GATA4: variants seen among roughly 807,000 people sequenced by gnomAD.
GATA4 encodes transcription factor GATA-4.
In GATA4, 7 loss-of-function variants were observed where a neutral mutation model predicts 37.9. The observed-to-expected ratio is 0.18, with a 90% CI of 0.11 to 0.35. The LOEUF (loss-of-function observed/expected upper bound fraction) is 0.35, where lower values mean the gene tolerates loss of function less well. GATA4 is among the 10% of genes least tolerant of loss of function. The probability of loss-of-function intolerance (pLI) is 1.00; values close to 1 mark genes in which losing one functional copy is unlikely to be tolerated. For synonymous variants in GATA4, 372 were observed against 292.6 expected, an observed-to-expected ratio of 1.27 and a Z score of -2.77; for missense variants, 647 against 653.0, an observed-to-expected ratio of 0.99 and a Z score of 0.10.
chr8:11,739,169 A>G (rs757927030), intron 2 of GATA4, among the ~76,000 whole-genome samples: 5 of 152,234 alleles, frequency 3.3e-5, no homozygotes, highest in African/African-American at 4.8e-5. Flanking sequence ...CTAGGCAGAG[A>G]TGCTTGCTTA....
chr8:11,701,901 C>G (rs1012669442), upstream of GATA4, among the ~76,000 whole-genome samples: 10 of 152,072 alleles, frequency 6.6e-5, no homozygotes, highest in Admixed American at 2.6e-4. Flanking sequence ...TGGCAGAAAG[C>G]GGCGGCTCAG....
At chr8:11,690,174 C>A (rs1436430808), upstream of GATA4, among the ~76,000 whole-genome samples, 1 of 152,210 alleles carries the variant, frequency 6.6e-6, no homozygotes, top group African/African-American at 2.4e-5. Context: ...TGAAGAGGTG[C>A]CACGTGGCAT....
chr8:11,708,610 AC>A lies in GATA4; in HGVS notation c.302del (p.Pro101ArgfsTer106). ...SQAGADGAAY[T>X]PPPVSPRFSF... ...GGCGGGAGCCGACGGAGCCGCTTAC[AC>A]CCCGCCGCCGGTGTCGCCGCGCTTC... On this transcript the variant is annotated frameshift_variant, in exon 2 of 7. Transcript: ENST00000532059. LOFTEE classifies it high-confidence loss of function. The surrounding 1 kb of genome is among the most constrained non-coding windows in gnomAD (Gnocchi z 6.7). 1 of 1,340,736 alleles carries A rather than the reference AC, an allele frequency of 7.5e-7. No individual in the cohort carries two copies. Among genetic ancestry groups the A allele is most frequent in the South Asian group, 2.0e-5 (1 of 49,760 alleles). The allele number at this position is 1,340,736 out of a possible 1,614,324, so 83.1% of individuals were successfully genotyped here. A position where few individuals can be genotyped will look rare whatever the true frequency, so the allele number is the denominator to read the frequency against.
chr8:11,708,496 G>C lies in GATA4; in HGVS notation c.184G>C (p.Ala62Pro), dbSNP rs1372390204. 1 of 1,482,536 alleles carries C rather than the reference G, an allele frequency of 6.7e-7. No individual in the cohort carries two copies. The highest frequency in any genetic ancestry group is 2.8e-5 in the East Asian group (1 of 35,536). 91.8% of individuals were successfully genotyped at this position (1,482,536 alleles called of 1,614,324 possible). A position where few individuals can be genotyped will look rare whatever the true frequency, so the allele number is the denominator to read the frequency against. ...SYLQGGGAGSASGGASGGSSG... is the reference protein window; with the variant it reads ...SYLQGGGAGSPSGGASGGSSG... ...CCTCCAGGGCGGAGGCGCGGGCTCT[G>C]CGTCCGGAGGCGCCTCGGGCGGCAG... Residue 62 changes from alanine (A) to proline (P), a missense_variant, in exon 2 of 7, where the codon GCG (alanine) becomes CCG (proline). By Grantham distance (27) the Ala-to-Pro change is conservative. Coordinates refer to ENST00000532059, the MANE Select transcript of GATA4 (RefSeq NM_001308093.3). This position sits in a 1 kb window ranked among gnomAD's most constrained non-coding sequence, Gnocchi z 6.7.
intron 1 of GATA4, among the ~76,000 whole-genome samples, chr8:11,698,626 C>G (rs1563193167): frequency 6.6e-6 from 1 of 152,170 alleles, no homozygotes; most frequent in Non-Finnish European, 1.5e-5. Flanking sequence ...ATGGGTTGGG[C>G]TCCCTATGCC....
At chr8:11,693,562 C>CACACACAGAGAGAGAGAG (rs1405047773) in intron 1 of GATA4, among the ~76,000 whole-genome samples, 2 of 72,228 alleles carry the variant, frequency 2.8e-5, no homozygotes, top group East Asian at 5.7e-4. Context: ...CACACACACA[C>CACACACAGAGAGAGAGAG]AGAGAGAGAG....
chr8:11,705,141 G>C (rs1222962720), intron 1 of GATA4, among the ~76,000 whole-genome samples: 1 of 152,212 alleles, frequency 6.6e-6, no homozygotes, highest in Non-Finnish European at 1.5e-5. Context: ...GAGCGTGGTG[G>C]GGGACCCGCG....
intron 2 of GATA4, among the ~76,000 whole-genome samples, chr8:11,714,680 C>G (rs2130110828): frequency 6.6e-6 from 1 of 152,290 alleles, no homozygotes; most frequent in South Asian, 2.1e-4. Flanking sequence ...TGTGTCCCAT[C>G]AAAAGGTCAG....
At chr8:11,731,969 A>T (rs1468099292) in intron 2 of GATA4, among the ~76,000 whole-genome samples, 1 of 152,182 alleles carries the variant, frequency 6.6e-6, no homozygotes, top group Non-Finnish European at 1.5e-5. Context: ...CCTCAGTGTT[A>T]TCCTGCTATC....
upstream of GATA4, among the ~76,000 whole-genome samples, chr8:11,703,169 C>T (rs1374615256): frequency 6.6e-6 from 1 of 151,222 alleles, no homozygotes; most frequent in African/African-American, 2.4e-5. Flanking sequence ...GAGAGAAAAA[C>T]GCGGCCTTAA....
At chr8:11,702,041 A>C (rs1221219908), upstream of GATA4, among the ~76,000 whole-genome samples, 2 of 152,160 alleles carry the variant, frequency 1.3e-5, no homozygotes, top group Non-Finnish European at 2.9e-5. The surrounding 1 kb of genome is among the most constrained non-coding windows in gnomAD (Gnocchi z 4.4). Flanking sequence ...TTATAGCCCC[A>C]CCAGTGTACA....
chr8:11,739,503 A>G (rs188941684), intron 2 of GATA4, among the ~76,000 whole-genome samples: 34 of 147,652 alleles, frequency 2.3e-4, no homozygotes, highest in Admixed American at 4.7e-4. Flanking sequence ...ATGATTTTAT[A>G]TACACACATG....
chr8:11,703,259 G>A (rs1799746994), upstream of GATA4, among the ~76,000 whole-genome samples: 2 of 152,286 alleles, frequency 1.3e-5, no homozygotes, highest in East Asian at 3.9e-4. Context: ...GTAATCGATG[G>A]GTTATTTTTA....
intron 2 of GATA4, among the ~76,000 whole-genome samples, chr8:11,732,646 G>C (rs143586983): frequency 2.9e-4 from 44 of 152,310 alleles, no homozygotes; most frequent in African/African-American, 1.1e-3. Context: ...CTGGAGGCTA[G>C]AGGAAGAGGA....
At chr8:11,684,738 C>G (rs1799085468) in intron 1 of GATA4, among the ~76,000 whole-genome samples, 1 of 152,208 alleles carries the variant, frequency 6.6e-6, no homozygotes. Context: ...CAGCTGGATG[C>G]TAATGTTCTC....
Position 11,756,909 on chromosome 8 carries a change from G to A in GATA4, c.1001-26G>A, listed in dbSNP as rs1554498708. 6.2e-7 allele frequency: 1 copy of A among 1,614,174 alleles called. No homozygotes were observed. ...TTCGTTTGTCCCTGCCGCTGATTTG[G>A]GTGTGCTGACTCTGCTTCATTCCAG... On this transcript the variant is annotated intron_variant, in intron 5 of 6. Transcript: ENST00000532059.
intron 2 of GATA4, among the ~76,000 whole-genome samples, chr8:11,742,402 C>T (rs78077854): frequency 0.013 from 896 of 66,448 alleles, 17 homozygotes; most frequent in Non-Finnish European, 0.031. Flanking sequence ...TTTTTCCTTT[C>T]CCTTTCCCTT....
chr8:11,682,006 T>G (rs778907185), intron 1 of GATA4, among the ~76,000 whole-genome samples: 2 of 152,266 alleles, frequency 1.3e-5, no homozygotes, highest in African/African-American at 2.4e-5. Context: ...AAAGATGTTT[T>G]GTTTCATGAA....
At chr8:11,723,020 A>G (rs1220816037) in intron 2 of GATA4, among the ~76,000 whole-genome samples, 3 of 152,192 alleles carry the variant, frequency 2.0e-5, no homozygotes, top group Non-Finnish European at 2.9e-5. Context: ...ACAATTACCA[A>G]TGAAATGAAA....
Sources: gnomAD v4.1 joint callset for allele counts (sites outside exome capture counted in the v4.1 genomes callset) on GRCh38, gnomAD v4.1.1 for gene constraint, Gnocchi (gnomAD v3.1) non-coding constraint, MANE v1.5 for transcripts, NCBI Gene and HGNC (gene_info 2026-07-23, HGNC 2026-07-21) for gene names.